The following OOSP4B variants were observed in gnomAD, a reference collection of about 807,000 sequenced individuals.
The protein encoded by OOSP4B is oocyte-secreted protein 4B.
chr11:60,019,639 TC>T (rs1419353466), intron 1 of OOSP4B: 4 of 152,712 alleles, frequency 2.6e-5, no homozygotes, highest in African/African-American at 9.6e-5. Flanking sequence ...CCTGGTGGGT[TC>T]GTGGTCTGGC....
chr11:60,019,675 C>T (rs982750115), intron 1 of OOSP4B: 2 of 152,438 alleles, frequency 1.3e-5, no homozygotes, highest in Non-Finnish European at 2.9e-5. Context: ...AAGCTGCAGA[C>T]CTTCGCATGA....
rs1854638110 is a variant in OOSP4B at position 60,017,330 on chromosome 11, C to G, written c.-62C>G. ...ATGTGGCCAAAGGTTTATAAGCACT[C>G]AAGGAACCCCCAGCTCCTTGCCATT... is the stretch of plus-strand genomic sequence containing the variant. On this transcript the variant is annotated 5_prime_UTR_variant, in exon 1 of 5. It introduces an in-frame stop codon into an upstream open reading frame of the 5' UTR. Transcript: ENST00000642343. 5.0e-6 allele frequency: 2 copies of G among 398,562 alleles called. No individual in the cohort carries two copies. The highest frequency in any genetic ancestry group is 4.1e-5 in the African/African-American group (2 of 48,618). The allele number at this position is 398,562 out of a possible 1,614,324, so 24.7% of individuals were successfully genotyped here. A position where few individuals can be genotyped will look rare whatever the true frequency, so the allele number is the denominator to read the frequency against.
exon 2 of OOSP4B, chr11:60,023,972 C>T: frequency 2.5e-6 from 1 of 398,536 alleles, no homozygotes. Flanking sequence ...TGGCGACATA[C>T]ACCTGAGAGA....
At chr11:60,020,309 G>A (rs1434606020) in intron 1 of OOSP4B, among the ~76,000 whole-genome samples, 1 of 152,166 alleles carries the variant, frequency 6.6e-6, no homozygotes, top group Non-Finnish European at 1.5e-5. Flanking sequence ...GGAGCAGGGG[G>A]CCCCCGCTTG....
chr11:60,020,781 A>G (rs1854683641), intron 1 of OOSP4B, among the ~76,000 whole-genome samples: 1 of 152,224 alleles, frequency 6.6e-6, no homozygotes, highest in Admixed American at 6.5e-5. Context: ...CACCTCTCAC[A>G]TGCTTGTAGT....
At chr11:60,026,551 G>C (rs1029679927) in intron 3 of OOSP4B, among the ~76,000 whole-genome samples, 7 of 152,200 alleles carry the variant, frequency 4.6e-5, no homozygotes, top group African/African-American at 1.7e-4. Flanking sequence ...AGCTGTTCAG[G>C]ATGATTTCAA....
chr11:60,027,655 T>TAAAAAAAAAA (rs61649958), intron 3 of OOSP4B, among the ~76,000 whole-genome samples: 1 of 62,236 alleles, frequency 1.6e-5, no homozygotes, highest in Non-Finnish European at 3.3e-5. Flanking sequence ...GCTATGATAT[T>TAAAAAAAAAA]AAAAAAAAAA....
At chr11:60,026,493 T>G (rs995868381) in intron 3 of OOSP4B, among the ~76,000 whole-genome samples, 1 of 152,242 alleles carries the variant, frequency 6.6e-6, no homozygotes, top group African/African-American at 2.4e-5. Context: ...CTATTTGATC[T>G]TTATCTTGAC....
At chr11:60,021,421 T>C (rs894226433) in intron 1 of OOSP4B, 1 of 152,156 alleles carries the variant, frequency 6.6e-6, no homozygotes, top group Non-Finnish European at 1.5e-5. Flanking sequence ...GTCAGGCACT[T>C]ACTGTTATTC....
chr11:60,019,801 G>A (rs1854669144), intron 1 of OOSP4B, among the ~76,000 whole-genome samples: 1 of 152,202 alleles, frequency 6.6e-6, no homozygotes, highest in Admixed American at 6.5e-5. Flanking sequence ...GGTTGCCAGT[G>A]CTGGTTCAGG....
intron 1 of OOSP4B, chr11:60,021,467 C>T (rs968544955): frequency 6.6e-6 from 1 of 152,196 alleles, no homozygotes; most frequent in Non-Finnish European, 1.5e-5. Context: ...TCTCCTAAGA[C>T]ACAGATGTTC....
intron 1 of OOSP4B, among the ~76,000 whole-genome samples, chr11:60,019,293 C>T (rs566982027): frequency 2.6e-5 from 4 of 152,254 alleles, no homozygotes; most frequent in South Asian, 2.1e-4. Flanking sequence ...GCAAGAAGAT[C>T]GCTTGAGCTC....
chr11:60,030,812 C>T (rs922343391), exon 5 of OOSP4B: 5 of 398,104 alleles, frequency 1.3e-5, no homozygotes, highest in African/African-American at 1.0e-4. Flanking sequence ...GAGCAACTAT[C>T]CAAGAAGTCA....
At position 60,023,942 on chromosome 11, in the gene OOSP4B, AAGAACACAGACATT is replaced by A. The variant is rs1457507210; in HGVS notation, c.90_103del (p.Thr31TrpfsTer8). On this transcript the variant is annotated frameshift_variant, in exon 2 of 5. Coordinates refer to ENST00000642343, the Ensembl canonical transcript of OOSP4B. LOFTEE classifies it high-confidence loss of function. Reference sequence around the variant, plus strand: ...CAGAATGAAAATAAGGCCTTTTGATAAGAACACAGACATTAGAATTGGCGACATACACCTGAGAG... The same window carrying A: ...CAGAATGAAAATAAGGCCTTTTGATAAGAATTGGCGACATACACCTGAGAG... 1 of 398,400 alleles carries A rather than the reference AAGAACACAGACATT, an allele frequency of 2.5e-6. No homozygotes were observed. The highest frequency in any genetic ancestry group is 2.1e-5 in the African/African-American group (1 of 48,610). 24.7% of individuals were successfully genotyped at this position (398,400 alleles called of 1,614,324 possible).
exon 5 of OOSP4B, chr11:60,031,022 G>A (rs1389640409): frequency 7.7e-6 from 3 of 387,662 alleles, no homozygotes; most frequent in Non-Finnish European, 1.4e-5. Context: ...ACTTTTTAAT[G>A]AGTTAATTTT....
Position 60,020,508 on chromosome 11 carries a change from C to T in OOSP4B, c.22+3095C>T, listed in dbSNP as rs550368940. ...TGGGGGCGGGGGCCAGCCGGCGGCT[C>T]CGAGTGTGGGGCAGCGGAGCCCACG... is the stretch of plus-strand genomic sequence containing the variant. On this transcript the variant is annotated intron_variant, in intron 1 of 4. Transcript: ENST00000642343. Among the ~76,000 whole-genome samples the T allele has an allele frequency of 1.6e-4, 24 of 152,342 alleles. No homozygotes were observed. The South Asian group carries it at 5.0e-3, about 32-fold the overall frequency.
chr11:60,022,402 A>G (rs990237838), intron 1 of OOSP4B: 1 of 152,188 alleles, frequency 6.6e-6, no homozygotes, highest in African/African-American at 2.4e-5. Flanking sequence ...GTATCTATCA[A>G]CTTTCTTATA....
chr11:60,018,451 A>T lies in OOSP4B; in HGVS notation c.22+1038A>T, dbSNP rs187593656. ...ACAAAATCTCTTTGGTTATAATCTC[A>T]GTGAGGCTGAGTTGAGAAACCCAGC... On this transcript the variant is annotated intron_variant, in intron 1 of 4. Transcript: ENST00000642343. Among the ~76,000 whole-genome samples, 5 of 152,318 alleles carry T rather than the reference A, an allele frequency of 3.3e-5. No individual in the cohort carries two copies. In the East Asian group the frequency reaches 9.6e-4, roughly 29 times the overall value.
At chr11:60,020,377 C>A (rs554439323) in intron 1 of OOSP4B, among the ~76,000 whole-genome samples, 1 of 152,242 alleles carries the variant, frequency 6.6e-6, no homozygotes, top group South Asian at 2.1e-4. Flanking sequence ...TCAGGCATGG[C>A]GGGCTGCAGG....
Sources: allele counts gnomAD v4.1 joint callset (sites outside exome capture counted in the v4.1 genomes callset), GRCh38; gene constraint gnomAD v4.1.1; transcripts MANE v1.5; gene names NCBI Gene and HGNC (gene_info 2026-07-23, HGNC 2026-07-21).